CUX1: variants seen among roughly 807,000 people sequenced by gnomAD.
CUX1 encodes the protein cut like homeobox 1, also known as protein CASP.
CUX1 carries 31 observed loss-of-function variants against 158.8 expected under a neutral mutation model. The observed-to-expected ratio is 0.20, with a 90% CI of 0.15 to 0.26. The LOEUF (loss-of-function observed/expected upper bound fraction) is 0.26. CUX1 is among the 10% of genes least tolerant of loss of function. The probability of loss-of-function intolerance (pLI) is 1.00; values close to 1 mark genes in which losing one functional copy is unlikely to be tolerated. For synonymous variants in CUX1, 879 were observed against 862.1 expected, an observed-to-expected ratio of 1.02 and a Z score of -0.34; for missense variants, 1,589 against 2,014.6, an observed-to-expected ratio of 0.79 and a Z score of 4.04.
At chr7:102,162,148 G>T (rs933692577) in intron 9 of CUX1, among the ~76,000 whole-genome samples, 1 of 152,060 alleles carries the variant, frequency 6.6e-6, no homozygotes, top group Non-Finnish European at 1.5e-5. Context: ...GGTCATGGGG[G>T]CATTTGTGGG....
At chr7:101,897,227 G>A (rs976979950) in intron 1 of CUX1, among the ~76,000 whole-genome samples, 7 of 152,212 alleles carry the variant, frequency 4.6e-5, no homozygotes, top group Non-Finnish European at 7.3e-5. Context: ...TACGTCATTT[G>A]CTATTAGACA....
At chr7:102,089,309 T>C (rs1440587999) in intron 4 of CUX1, among the ~76,000 whole-genome samples, 2 of 152,254 alleles carry the variant, frequency 1.3e-5, no homozygotes, top group Non-Finnish European at 2.9e-5. Context: ...TCTGTTTTTA[T>C]GAAGTGATTT....
chr7:102,277,056 T>C (rs1474705745), intron 17 of CUX1, among the ~76,000 whole-genome samples: 2 of 152,018 alleles, frequency 1.3e-5, no homozygotes, highest in African/African-American at 2.4e-5. Flanking sequence ...TCCCAGCACA[T>C]TGGGAGGCCG....
intron 11 of CUX1, among the ~76,000 whole-genome samples, chr7:102,184,183 A>C (rs6465851): frequency 0.64 from 97,303 of 152,152 alleles, 32,747 homozygotes; most frequent in African/African-American, 0.83. Flanking sequence ...CAGGCGTGAA[A>C]CACCATGCCC....
chr7:101,860,740 CCTT>C (rs1256718128), intron 1 of CUX1, among the ~76,000 whole-genome samples: 52 of 81,832 alleles, frequency 6.4e-4, no homozygotes, highest in African/African-American at 2.1e-3. Context: ...TTCCTCCCTT[CCTT>C]CCTTCCTTCC....
At chr7:101,907,569 G>A (rs1355468324) in intron 1 of CUX1, among the ~76,000 whole-genome samples, 2 of 152,000 alleles carry the variant, frequency 1.3e-5, no homozygotes, top group East Asian at 1.9e-4. Flanking sequence ...GGCTGGTTTC[G>A]AACTTCTGAC....
At chr7:101,999,191 T>G (rs889489048) in intron 2 of CUX1, among the ~76,000 whole-genome samples, 8 of 150,836 alleles carry the variant, frequency 5.3e-5, no homozygotes, top group African/African-American at 1.9e-4. Context: ...GGGATTTTTA[T>G]CTTTCCTTTA....
chr7:102,266,838 G>A (rs1196479378), intron 14 of CUX1, among the ~76,000 whole-genome samples: 2 of 152,210 alleles, frequency 1.3e-5, no homozygotes, highest in African/African-American at 2.4e-5. Context: ...AGTCTGATGG[G>A]AAGGGCTTGA....
intron 2 of CUX1, chr7:101,960,126 C>T (rs906338256): frequency 3.9e-5 from 6 of 152,098 alleles, no homozygotes; most frequent in African/African-American, 4.8e-5. Flanking sequence ...CTGTGTTTGC[C>T]CTGATGTTTC....
At chr7:101,895,024 A>G (rs1157415304) in intron 1 of CUX1, among the ~76,000 whole-genome samples, 1 of 151,484 alleles carries the variant, frequency 6.6e-6, no homozygotes, top group Non-Finnish European at 1.5e-5. Flanking sequence ...TTATTTAATT[A>G]ATTTATTTAT....
intron 8 of CUX1, among the ~76,000 whole-genome samples, chr7:102,135,550 T>C (rs1295293986): frequency 1.3e-5 from 2 of 149,678 alleles, no homozygotes; most frequent in Non-Finnish European, 3.0e-5. Context: ...TATTTGAGGG[T>C]CAACTTGTGT....
rs1404735908 is a variant in CUX1, at chr7:102,231,884, T to G, written c.3434-2168T>G. The stretch of plus-strand genomic sequence containing the variant: ...GCCCACCACCACGCCCAGCTAATTT[T>G]TTGTATTTTTAGTAGAGACGGGGTT... On this transcript the variant is annotated intron_variant, in intron 21 of 23. Transcript: ENST00000292535. Among the ~76,000 whole-genome samples the G allele has an allele frequency of 4.6e-5, 7 of 152,082 alleles. No homozygotes were observed. In the East Asian group the frequency reaches 1.4e-3, roughly 29 times the overall value.
Position 102,249,831 on chromosome 7 carries a change from G to C in CUX1, c.*789G>C. On this transcript the variant is annotated 3_prime_UTR_variant, in exon 24 of 24. Transcript: ENST00000292535. ...AAAGAATCTTCTCGTTTGAAACTTTGAATTAAAATAAAACACATTTACTCC... is the reference window on the plus strand; with the variant it reads ...AAAGAATCTTCTCGTTTGAAACTTTCAATTAAAATAAAACACATTTACTCC... The C allele has an allele frequency of 1.0e-6, 1 of 985,564 alleles. No individual in the cohort carries two copies. The highest frequency in any genetic ancestry group is 1.7e-5 in the African/African-American group (1 of 57,332). 61.1% of individuals were successfully genotyped at this position (985,564 alleles called of 1,614,324 possible). A position where few individuals can be genotyped will look rare whatever the true frequency, so the allele number is the denominator to read the frequency against.
chr7:102,127,438 C>T (rs1302995574), intron 8 of CUX1, among the ~76,000 whole-genome samples: 1 of 152,092 alleles, frequency 6.6e-6, no homozygotes, highest in Admixed American at 6.5e-5. Flanking sequence ...CTCCTGGGCT[C>T]AAACAATCCT....
intron 2 of CUX1, among the ~76,000 whole-genome samples, chr7:101,918,497 A>T (rs984594504): frequency 6.6e-6 from 1 of 152,200 alleles, no homozygotes; most frequent in Admixed American, 6.5e-5. Flanking sequence ...ATGGAAGGTC[A>T]CCACCTGCTT....
At chr7:102,018,143 TAG>T (rs1197422287) in intron 2 of CUX1, among the ~76,000 whole-genome samples, 2 of 151,948 alleles carry the variant, frequency 1.3e-5, no homozygotes, top group Non-Finnish European at 2.9e-5. Flanking sequence ...AAACTTTTTG[TAG>T]AGCAGGAGTG....
chr7:101,887,842 C>CCTTTTTTTTTTTTTTTT (rs1562966470), intron 1 of CUX1, among the ~76,000 whole-genome samples: 5 of 135,038 alleles, frequency 3.7e-5, no homozygotes, highest in South Asian at 2.4e-4. Context: ...ATGACGGTGA[C>CCTTTTTTTTTTTTTTTT]ATTTTTTTTT....
intron 2 of CUX1, among the ~76,000 whole-genome samples, chr7:101,964,683 A>C (rs1810933835): frequency 6.6e-6 from 1 of 152,186 alleles, no homozygotes; most frequent in South Asian, 2.1e-4. Flanking sequence ...TTTCTCATCC[A>C]GCAAGCAAAC....
At chr7:102,266,879 G>C (rs146006836) in intron 14 of CUX1, among the ~76,000 whole-genome samples, 212 of 152,302 alleles carry the variant, frequency 1.4e-3, no homozygotes, top group African/African-American at 4.9e-3. Context: ...AGACGCTTGA[G>C]AAGAGACAGC....
Sources: gnomAD v4.1 joint callset for allele counts (sites outside exome capture counted in the v4.1 genomes callset) on GRCh38, gnomAD v4.1.1 for gene constraint, MANE v1.5 for transcripts, NCBI Gene and HGNC (gene_info 2026-07-23, HGNC 2026-07-21) for gene names.